The following SUSD5 variants were observed in gnomAD, a reference collection of about 807,000 sequenced individuals.
SUSD5 encodes sushi domain-containing protein 5.
A neutral mutation model predicts 29.5 loss-of-function variants in SUSD5; 33 were observed. The observed-to-expected ratio is 1.12, with a 90% confidence interval of 0.85 to 1.49. The LOEUF (loss-of-function observed/expected upper bound fraction) is 1.49. Among genes scored for constraint, SUSD5 ranks in the 40% most tolerant of loss-of-function variants. The pLI, the probability that SUSD5 is intolerant of heterozygous loss-of-function variation, is 0.00. For synonymous variants in SUSD5, 308 were observed against 325.3 expected, an observed-to-expected ratio of 0.95 and a Z score of 0.57; for missense variants, 776 against 800.6, an observed-to-expected ratio of 0.97 and a Z score of 0.37.
intron 3 of SUSD5, among the ~76,000 whole-genome samples, chr3:33,185,738 A>G (rs1367046590): frequency 6.6e-6 from 1 of 152,172 alleles, no homozygotes; most frequent in Non-Finnish European, 1.5e-5. Context: ...TTTAAATATT[A>G]CAGCTCTTTC....
chr3:33,209,717 A>G (rs1423067553), intron 2 of SUSD5, among the ~76,000 whole-genome samples: 1 of 146,206 alleles, frequency 6.8e-6, no homozygotes, highest in Non-Finnish European at 1.5e-5. Context: ...TGATGTCTAG[A>G]CTGTATTTAA....
chr3:33,168,111 A>G (rs1436392749), intron 4 of SUSD5, among the ~76,000 whole-genome samples: 1 of 152,144 alleles, frequency 6.6e-6, no homozygotes, highest in Non-Finnish European at 1.5e-5. Context: ...CTGCTTGTGT[A>G]TTTTATCAGA....
chr3:33,209,483 T>C (rs979833818), intron 2 of SUSD5, among the ~76,000 whole-genome samples: 2 of 152,102 alleles, frequency 1.3e-5, no homozygotes, highest in African/African-American at 4.8e-5. Flanking sequence ...TTATTCTGGA[T>C]ATCTTCCTCT....
intron 3 of SUSD5, among the ~76,000 whole-genome samples, chr3:33,177,269 G>T (rs1027889984): frequency 1.3e-5 from 2 of 152,184 alleles, no homozygotes; most frequent in Non-Finnish European, 2.9e-5. Flanking sequence ...AAAGTAACTT[G>T]CTGAATTTTT....
intron 3 of SUSD5, among the ~76,000 whole-genome samples, chr3:33,201,545 G>T (rs538173438): frequency 6.6e-6 from 1 of 152,234 alleles, no homozygotes; most frequent in Non-Finnish European, 1.5e-5. Context: ...GGCTGCTGGT[G>T]TATCAGGACT....
intron 3 of SUSD5, among the ~76,000 whole-genome samples, chr3:33,187,446 G>C (rs1442686151): frequency 6.6e-6 from 1 of 152,156 alleles, no homozygotes; most frequent in Non-Finnish European, 1.5e-5. Flanking sequence ...GTGTGATTCA[G>C]AAGCTCCAGT....
intron 2 of SUSD5, among the ~76,000 whole-genome samples, chr3:33,211,990 T>C (rs1215291404): frequency 1.3e-5 from 2 of 152,182 alleles, no homozygotes; most frequent in East Asian, 1.9e-4. Flanking sequence ...TTATTGAAGA[T>C]ACTGTCCTTT....
At chr3:33,189,496 A>AAG (rs2031847795) in intron 3 of SUSD5, among the ~76,000 whole-genome samples, 1 of 151,600 alleles carries the variant, frequency 6.6e-6, no homozygotes, top group East Asian at 1.9e-4. Flanking sequence ...AAAAAAAAAA[A>AAG]AAAAAAATTC....
At position 33,152,601 on chromosome 3, in the gene SUSD5, C is replaced by T; in HGVS notation, c.*141G>A. 1.1e-6 allele frequency: 1 copy of T among 939,232 alleles called. No individual in the cohort carries two copies. The highest frequency in any genetic ancestry group is 1.8e-5 in the South Asian group (1 of 56,390). The allele number at this position is 939,232 out of a possible 1,614,324, so 58.2% of individuals were successfully genotyped here. On this transcript the variant is annotated 3_prime_UTR_variant, in exon 5 of 5. Transcript: ENST00000309558. ...TGCCCTCCCAGGTGCTCCAGAGACACTTCTCAGCCTATAAAACAAAGGGCT... is the reference window on the plus strand; with the variant it reads ...TGCCCTCCCAGGTGCTCCAGAGACATTTCTCAGCCTATAAAACAAAGGGCT...
At chr3:33,214,210 TGAA>T in intron 1 of SUSD5, 105 bp from the exon 2 acceptor site, 1 of 1,141,130 alleles carries the variant, frequency 8.8e-7, no homozygotes, top group Non-Finnish European at 1.2e-6. Context: ...AGTCCTTGCC[TGAA>T]GGCCCAAGTG....
In SUSD5 at chr3:33,167,902, C is replaced by G. The variant is rs1018435422; in HGVS notation, c.598+6984G>C. Among the ~76,000 whole-genome samples the G allele has an allele frequency of 1.3e-5, 2 of 152,228 alleles. No homozygotes were observed. Among genetic ancestry groups the G allele is most frequent in the Admixed American group, 1.3e-4 (2 of 15,288 alleles). On this transcript the variant is annotated intron_variant, in intron 4 of 4. Transcript: ENST00000309558. The surrounding 1 kb of genome is among the most constrained non-coding windows in gnomAD (Gnocchi z 4.1). ...CTTCTAGCTCTGCCCTCACCCGACCCTCTCTGTGAAAACCTGTGCTAACAC... is the reference window on the plus strand; with the variant it reads ...CTTCTAGCTCTGCCCTCACCCGACCGTCTCTGTGAAAACCTGTGCTAACAC...
At chr3:33,198,757 A>T (rs2032044069) in intron 3 of SUSD5, among the ~76,000 whole-genome samples, 1 of 152,184 alleles carries the variant, frequency 6.6e-6, no homozygotes, top group Non-Finnish European at 1.5e-5. Context: ...ATGGCTATGC[A>T]GTCTGGTCTC....
chr3:33,175,233 T>C (rs535530967), intron 3 of SUSD5, among the ~76,000 whole-genome samples, 159 bp from the exon 4 acceptor site: 1 of 152,308 alleles, frequency 6.6e-6, no homozygotes, highest in Admixed American at 6.5e-5. Flanking sequence ...CTCCAAGGCC[T>C]GGCAGAATAC....
intron 3 of SUSD5, 133 bp from the exon 4 acceptor site, chr3:33,175,207 T>C: frequency 1.0e-6 from 1 of 966,156 alleles, no homozygotes; most frequent in Non-Finnish European, 1.5e-6. Context: ...GGGCTGTTTC[T>C]TGGTCACCCT....
chr3:33,153,073 G>A lies in SUSD5; in HGVS notation c.1559C>T (p.Pro520Leu), dbSNP rs2030949538. 6.2e-7 allele frequency: 1 copy of A among 1,613,796 alleles called. No individual in the cohort carries two copies. The highest frequency in any genetic ancestry group is 1.7e-5 in the Admixed American group (1 of 59,986). Residue 520 changes from proline (P) to leucine (L), a missense_variant, in exon 5 of 5, where the codon CCT (proline) becomes CTT (leucine). Physicochemically the swap from Pro to Leu is moderately conservative, Grantham distance 98. Coordinates refer to ENST00000309558, the MANE Select transcript of SUSD5 (RefSeq NM_015551.2). Reference protein sequence around the residue: ...IPSTIMATTQPPVETTVPEIQ... With the variant: ...IPSTIMATTQLPVETTVPEIQ... ...CTCAGGAACAGTGGTTTCTACTGGA[G>A]GCTGGGTGGTTGCCATGATCGTTGA...
intron 3 of SUSD5, among the ~76,000 whole-genome samples, chr3:33,183,828 C>T (rs2031722300): frequency 6.6e-6 from 1 of 150,702 alleles, no homozygotes; most frequent in Non-Finnish European, 1.5e-5. Flanking sequence ...TTGAGAAAGC[C>T]TTTATTTCTC....
At chr3:33,181,766 T>C (rs1255447382) in intron 3 of SUSD5, among the ~76,000 whole-genome samples, 2 of 152,332 alleles carry the variant, frequency 1.3e-5, no homozygotes, top group Non-Finnish European at 2.9e-5. Context: ...TACAGTTGCC[T>C]ACAGTATTCA....
rs780843653 is a variant in SUSD5, at chr3:33,207,846, G to A, written c.371C>T (p.Pro124Leu). The change falls in exon 3 of 5, where the codon CCT becomes CTT. Residue 124 changes from proline (P) to leucine (L), a missense_variant. Coordinates refer to ENST00000309558, the MANE Select transcript of SUSD5 (RefSeq NM_015551.2). ...VDVRIESNPVPGGTYSALCIK... is the reference protein window; with the variant it reads ...VDVRIESNPVLGGTYSALCIK... ...ACAAAGGGCACTGTATGTGCCACCA[G>A]GAACTGGGTTGCTCTCAATTCTCAC... 2.0e-5 allele frequency: 32 copies of A among 1,613,926 alleles called. No homozygotes were observed. The highest frequency in any genetic ancestry group is 2.7e-5 in the Non-Finnish European group (32 of 1,179,838).
At chr3:33,189,289 C>T (rs1394793308) in intron 3 of SUSD5, among the ~76,000 whole-genome samples, 1 of 152,018 alleles carries the variant, frequency 6.6e-6, no homozygotes, top group African/African-American at 2.4e-5. Flanking sequence ...ACCAGCCTGA[C>T]CAATATGGTG....
Sources: gnomAD v4.1 joint callset for allele counts (sites outside exome capture counted in the v4.1 genomes callset) on GRCh38, gnomAD v4.1.1 for gene constraint, Gnocchi (gnomAD v3.1) non-coding constraint, MANE v1.5 for transcripts, NCBI Gene and HGNC (gene_info 2026-07-23, HGNC 2026-07-21) for gene names.